The following ST18 variants were observed in gnomAD, a reference collection of about 807,000 sequenced individuals.
ST18 encodes the protein suppression of tumorigenicity 18 protein.
A neutral mutation model predicts 110.0 loss-of-function variants in ST18; 50 were observed. The observed-to-expected ratio is 0.45, with a 90% CI of 0.36 to 0.58. The LOEUF is 0.58. Ranked by LOEUF, ST18 falls within the 20% of genes least tolerant of loss-of-function variation. ST18 has a pLI of 0.00. For synonymous variants in ST18, 461 were observed against 452.4 expected (o/e 1.02, Z -0.24); for missense variants, 1,306 against 1,280.1 (o/e 1.02, Z -0.31).
intron 2 of ST18, among the ~76,000 whole-genome samples, chr8:52,274,983 CA>C (rs1435025168): frequency 6.6e-6 from 1 of 152,116 alleles, no homozygotes; most frequent in Non-Finnish European, 1.5e-5. Context: ...AGTCAAAAGG[CA>C]CCAGAGCTTT....
intron 2 of ST18, among the ~76,000 whole-genome samples, chr8:52,250,073 T>C (rs1429381841): frequency 6.6e-6 from 1 of 150,968 alleles, no homozygotes; most frequent in Non-Finnish European, 1.5e-5. Context: ...CTATGAAAAA[T>C]GAAATGCTGA....
At chr8:52,344,050 T>C (rs1816485645) in intron 2 of ST18, among the ~76,000 whole-genome samples, 1 of 152,220 alleles carries the variant, frequency 6.6e-6, no homozygotes, top group South Asian at 2.1e-4. Context: ...GTAATTATAA[T>C]AGCTGTGTCA....
chr8:52,390,837 G>A (rs1349186833), intron 2 of ST18, among the ~76,000 whole-genome samples: 5 of 152,258 alleles, frequency 3.3e-5, no homozygotes, highest in Middle Eastern at 3.4e-3. Flanking sequence ...ATAAACATTA[G>A]GTCCAAAGGC....
At position 52,196,625 on chromosome 8, in the gene ST18, G is replaced by A. The variant is rs528179147; in HGVS notation, c.86+15454C>T. ...TCATTCATATAACTTTTATTGCAGC[G>A]TATTTTTATAACTGTTCTATTTTAT... On this transcript the variant is annotated intron_variant, in intron 8 of 25. Coordinates refer to ENST00000689386, the MANE Select transcript of ST18 (RefSeq NM_001352837.2). Among the ~76,000 whole-genome samples, 15 of 152,192 alleles carry A rather than the reference G, an allele frequency of 9.9e-5. No individual in the cohort carries two copies. The East Asian group carries it at 1.4e-3, about 14-fold the overall frequency.
At position 52,132,008 on chromosome 8, in the gene ST18, T is replaced by C. The variant is rs750036503; in HGVS notation, c.2616A>G (p.Pro872=). The C allele has an allele frequency of 4.0e-5, 65 of 1,614,094 alleles. No individual in the cohort carries two copies. Among genetic ancestry groups the C allele is most frequent in the Non-Finnish European group, 5.3e-5 (62 of 1,180,052 alleles). ...NKQELPHCPL[P]GCNGLGHVNN... ...TTACATGGCCCAGCCCATTGCAGCC[T>C]GGCAAGGGACAATGTGGTAGCTCTT... The change falls in exon 22 of 26, where the codon CCA becomes CCG. Residue 872 remains proline (P), a synonymous_variant. Coordinates refer to ENST00000689386, the MANE Select transcript of ST18 (RefSeq NM_001352837.2).
At chr8:52,407,831 G>A (rs1374930396) in intron 2 of ST18, 1 of 152,100 alleles carries the variant, frequency 6.6e-6, no homozygotes, top group African/African-American at 2.4e-5. Flanking sequence ...AATGGTTTCT[G>A]GAAAACAGTC....
intron 16 of ST18, among the ~76,000 whole-genome samples, chr8:52,148,335 A>G (rs2057911838): frequency 6.6e-6 from 1 of 152,196 alleles, no homozygotes; most frequent in Non-Finnish European, 1.5e-5. Flanking sequence ...TCTAATCAAA[A>G]GCTGCAGTGT....
At chr8:52,343,897 T>C (rs927108653) in intron 2 of ST18, among the ~76,000 whole-genome samples, 4 of 152,230 alleles carry the variant, frequency 2.6e-5, no homozygotes, top group Admixed American at 6.5e-5. Flanking sequence ...TATACTCTAT[T>C]GGGAAGGTAT....
chr8:52,352,624 G>A (rs771607293), intron 2 of ST18, among the ~76,000 whole-genome samples: 2 of 152,216 alleles, frequency 1.3e-5, no homozygotes, highest in Non-Finnish European at 2.9e-5. Context: ...GTTTGGATCA[G>A]CAACAGTCAG....
intron 2 of ST18, among the ~76,000 whole-genome samples, chr8:52,302,154 G>A (rs904982400): frequency 1.3e-5 from 2 of 152,200 alleles, no homozygotes; most frequent in Non-Finnish European, 2.9e-5. Context: ...GTGGAGAGTG[G>A]ACGCAGTGGC....
chr8:52,208,236 T>A (rs2080821390), intron 8 of ST18, among the ~76,000 whole-genome samples: 1 of 152,184 alleles, frequency 6.6e-6, no homozygotes, highest in Admixed American at 6.5e-5. Flanking sequence ...CAATAACACG[T>A]CCAATGCATT....
At chr8:52,170,167 C>T (rs1279468635) in intron 10 of ST18, among the ~76,000 whole-genome samples, 1 of 152,190 alleles carries the variant, frequency 6.6e-6, no homozygotes, top group African/African-American at 2.4e-5. Flanking sequence ...ATCGCATACT[C>T]TTCTGAGTTC....
intron 2 of ST18, among the ~76,000 whole-genome samples, chr8:52,289,157 G>A (rs1471015845): frequency 6.6e-6 from 1 of 152,228 alleles, no homozygotes; most frequent in Admixed American, 6.5e-5. Context: ...GCAAAAATAG[G>A]GTTGAATTCT....
rs1491277213 is a variant in ST18 at position 52,367,233 on chromosome 8, GTC to G, written c.-465+42093_-465+42094del. On this transcript the variant is annotated intron_variant, in intron 2 of 25. Coordinates refer to ENST00000689386, the MANE Select transcript of ST18 (RefSeq NM_001352837.2). Reference sequence around the variant, plus strand: ...AGCCTGGGTGACAGAGCGGGACCCTGTCTCACACACACACACACACACACACA... The same window carrying G: ...AGCCTGGGTGACAGAGCGGGACCCTGTCACACACACACACACACACACACA... Among the ~76,000 whole-genome samples, 51 of 131,270 alleles carry G rather than the reference GTC, an allele frequency of 3.9e-4. 8 individuals carry two copies. Among genetic ancestry groups the G allele is most frequent in the Admixed American group, 5.9e-4 (8 of 13,494 alleles). The allele number at this position is 131,270 out of a possible 152,430, so 86.1% of individuals were successfully genotyped here. A position where few individuals can be genotyped will look rare whatever the true frequency, so the allele number is the denominator to read the frequency against.
chr8:52,171,836 G>C lies in ST18; in HGVS notation c.1025C>G (p.Thr342Ser). The C allele has an allele frequency of 6.2e-7, 1 of 1,613,952 alleles. No individual in the cohort carries two copies. The highest frequency in any genetic ancestry group is 8.5e-7 in the Non-Finnish European group (1 of 1,179,940). Residue 342 changes from threonine to serine, a missense_variant, in exon 10 of 26, where the codon ACC (threonine) becomes AGC (serine). Thr to Ser is a moderately conservative substitution (Grantham distance 58). Transcript: ENST00000689386. ...TCTTCCACCCATGTCGATAACTTTG[G>C]TTTGCCTCCTTTCCCCTGCTAGGTG... Reference protein sequence around the residue: ...LEHLAGERRQTKVIDMGGRQI... With the variant: ...LEHLAGERRQSKVIDMGGRQI...
At chr8:52,293,961 T>G (rs924220338) in intron 2 of ST18, among the ~76,000 whole-genome samples, 10 of 152,362 alleles carry the variant, frequency 6.6e-5, no homozygotes, top group Admixed American at 3.9e-4. Context: ...TTTTCACAGC[T>G]GACTCAGGGT....
intron 22 of ST18, 41 bp from the exon 23 acceptor site, chr8:52,126,181 G>T: frequency 6.4e-7 from 1 of 1,558,646 alleles, no homozygotes; most frequent in Non-Finnish European, 8.8e-7. Flanking sequence ...AAATGTATAT[G>T]ATTTCTTATA....
chr8:52,247,298 T>A (rs1172203426), intron 2 of ST18, among the ~76,000 whole-genome samples: 2 of 152,152 alleles, frequency 1.3e-5, no homozygotes, highest in South Asian at 2.1e-4. Flanking sequence ...AATAAAAAAA[T>A]ATATATTTCA....
At chr8:52,180,959 G>A (rs2069241101) in intron 8 of ST18, among the ~76,000 whole-genome samples, 1 of 152,310 alleles carries the variant, frequency 6.6e-6, no homozygotes, top group East Asian at 1.9e-4. Flanking sequence ...AAATAAGATT[G>A]GATTTCACAA....
Sources: allele counts gnomAD v4.1 joint callset (sites outside exome capture counted in the v4.1 genomes callset), GRCh38; gene constraint gnomAD v4.1.1; transcripts MANE v1.5; gene names NCBI Gene and HGNC (gene_info 2026-07-23, HGNC 2026-07-21).